UBN2: variants seen among roughly 807,000 people sequenced by gnomAD.
The protein encoded by UBN2 is ubinuclein-2.
In UBN2, 35 loss-of-function variants were observed where a neutral mutation model predicts 120.2. The observed-to-expected ratio is 0.29, with a 90% CI of 0.22 to 0.39. The LOEUF (loss-of-function observed/expected upper bound fraction) is 0.39, where lower values mean the gene tolerates loss of function less well. Among genes scored for constraint, UBN2 ranks in the 10% least tolerant of loss-of-function variants. UBN2 has a pLI of 1.00. For missense variants in UBN2, 1,693 were observed against 1,663.2 expected, an observed-to-expected ratio of 1.02 and a Z score of -0.31; for synonymous variants, 661 against 648.7, an observed-to-expected ratio of 1.02 and a Z score of -0.29.
intron 2 of UBN2, among the ~76,000 whole-genome samples, chr7:139,239,320 A>G (rs145818261): frequency 1.9e-4 from 29 of 152,176 alleles, no homozygotes; most frequent in African/African-American, 6.5e-4. Flanking sequence ...GCATGGAACT[A>G]TCACACTGTA....
chr7:139,241,727 C>T (rs753313184), intron 2 of UBN2, among the ~76,000 whole-genome samples: 1 of 152,112 alleles, frequency 6.6e-6, no homozygotes, highest in Non-Finnish European at 1.5e-5. Context: ...CTAGGTGAAG[C>T]GGCCCGTGCC....
intron 6 of UBN2, among the ~76,000 whole-genome samples, chr7:139,262,946 A>G (rs183598467): frequency 6.6e-6 from 1 of 152,258 alleles, no homozygotes; most frequent in East Asian, 1.9e-4. Flanking sequence ...CATAATAGCT[A>G]TCGTTTATTT....
the UBN2 span, among the ~76,000 whole-genome samples, chr7:139,315,588 C>A: frequency 1.3e-5 from 2 of 152,166 alleles, no homozygotes; most frequent in Non-Finnish European, 2.9e-5. Flanking sequence ...ATGAATAATG[C>A]TCCTATTAAC....
intron 2 of UBN2, among the ~76,000 whole-genome samples, chr7:139,238,565 A>G (rs1021586503): frequency 2.0e-5 from 3 of 152,146 alleles, no homozygotes; most frequent in Non-Finnish European, 2.9e-5. Context: ...CTGGGATTAC[A>G]GGCATGCACC....
chr7:139,250,317 C>T (rs996514751), intron 2 of UBN2, among the ~76,000 whole-genome samples: 3 of 152,022 alleles, frequency 2.0e-5, no homozygotes, highest in African/African-American at 4.8e-5. Context: ...ACTGCAACGT[C>T]CGCCTCCCCA....
At chr7:139,251,844 C>G (rs1422617615) in intron 2 of UBN2, 112 bp from the exon 3 acceptor site, 3 of 892,798 alleles carry the variant, frequency 3.4e-6, no homozygotes, top group Non-Finnish European at 5.4e-6. Context: ...CTTAAACCTC[C>G]TGGAGAGGGG....
At chr7:139,261,984 C>G (rs1203482901) in intron 6 of UBN2, among the ~76,000 whole-genome samples, 1 of 146,776 alleles carries the variant, frequency 6.8e-6, no homozygotes, top group Non-Finnish European at 1.5e-5. Flanking sequence ...GGGGTTTCAC[C>G]GTGTTAGCCA....
intron 15 of UBN2, among the ~76,000 whole-genome samples, chr7:139,285,891 C>T (rs549697661): frequency 3.3e-5 from 5 of 151,978 alleles, no homozygotes; most frequent in South Asian, 2.1e-4. Context: ...TACAGGCACC[C>T]GCCACCATGC....
At chr7:139,294,840 CAAAA>C (rs1012392638) in intron 17 of UBN2, among the ~76,000 whole-genome samples, 1 of 149,658 alleles carries the variant, frequency 6.7e-6, no homozygotes, top group Non-Finnish European at 1.5e-5. Context: ...GACTCCGTCT[CAAAA>C]AAAAAATTAA....
At chr7:139,252,126 A>G in intron 3 of UBN2, 69 bp downstream of exon 3, 2 of 1,322,876 alleles carry the variant, frequency 1.5e-6, no homozygotes, top group South Asian at 1.2e-5. Context: ...TCAAGGGTAA[A>G]GTAACTTAAA....
At chr7:139,297,400 G>A (rs1026685880) in intron 17 of UBN2, among the ~76,000 whole-genome samples, 1 of 151,560 alleles carries the variant, frequency 6.6e-6, no homozygotes, top group Non-Finnish European at 1.5e-5. Flanking sequence ...AAAAAAAAAT[G>A]AAATTGACCT....
rs376334526 is a variant in UBN2, at chr7:139,242,748, A to T, written c.561+5651A>T. ...AATTGAGAATCAGCAGTTTTAGGGTATTTAGGAGGAAGGACTGGTATCCAT... is the reference window on the plus strand; with the variant it reads ...AATTGAGAATCAGCAGTTTTAGGGTTTTTAGGAGGAAGGACTGGTATCCAT... On this transcript the variant is annotated intron_variant, in intron 2 of 17. Transcript: ENST00000473989. Among the ~76,000 whole-genome samples, 3 of 152,258 alleles carry T rather than the reference A, an allele frequency of 2.0e-5. No individual in the cohort carries two copies. The East Asian group carries it at 5.8e-4, about 29-fold the overall frequency.
At chr7:139,280,256 A>G (rs536748048) in intron 13 of UBN2, among the ~76,000 whole-genome samples, 5 of 152,346 alleles carry the variant, frequency 3.3e-5, no homozygotes, top group African/African-American at 1.2e-4. Context: ...GATCCCTAAG[A>G]CGGACAAGTA....
intron 6 of UBN2, among the ~76,000 whole-genome samples, 160 bp from the exon 7 acceptor site, chr7:139,266,173 G>A (rs1797091240): frequency 7.0e-6 from 1 of 143,286 alleles, no homozygotes; most frequent in African/African-American, 2.6e-5. Flanking sequence ...TGGGAGGATT[G>A]CTTGAGCCCA....
chr7:139,287,685 T>TC lies in UBN2; in HGVS notation c.3669+3112dup, dbSNP rs1797829956. 2.0e-5 allele frequency among the ~76,000 whole-genome samples: 3 copies of TC among 148,486 alleles called. No homozygotes were observed. The South Asian group carries it at 6.3e-4, about 31-fold the overall frequency. On this transcript the variant is annotated intron_variant, in intron 15 of 17. Transcript: ENST00000473989. The stretch of plus-strand genomic sequence containing the variant: ...ATATCTGATCTTTTTTTTTTTTTTT[T>TC]CTGTCTTACTGGTTTGACTGAAGAA...
intron 10 of UBN2, 99 bp from the exon 11 acceptor site, chr7:139,273,832 T>A: frequency 9.7e-7 from 1 of 1,029,696 alleles, no homozygotes. Flanking sequence ...TGTTAGAAAT[T>A]GTTTGTTATT....
intron 2 of UBN2, among the ~76,000 whole-genome samples, chr7:139,249,086 G>C (rs963507702): frequency 6.6e-6 from 1 of 152,016 alleles, no homozygotes; most frequent in East Asian, 1.9e-4. Flanking sequence ...TCTTGAGAAG[G>C]ATTGTCATTG....
the UBN2 span, among the ~76,000 whole-genome samples, chr7:139,320,032 T>C: frequency 3.8e-4 from 57 of 150,174 alleles, no homozygotes; most frequent in Middle Eastern, 7.0e-3. Context: ...GCCGAGATCG[T>C]GCCACTGCAC....
chr7:139,289,225 G>C (rs561961519), intron 15 of UBN2, among the ~76,000 whole-genome samples: 10 of 152,090 alleles, frequency 6.6e-5, no homozygotes, highest in African/African-American at 9.7e-5. Flanking sequence ...TTTTAGGATA[G>C]AGAGATTTGC....
Sources: gnomAD v4.1 joint callset for allele counts (sites outside exome capture counted in the v4.1 genomes callset) on GRCh38, gnomAD v4.1.1 for gene constraint, MANE v1.5 for transcripts, NCBI Gene and HGNC (gene_info 2026-07-23, HGNC 2026-07-21) for gene names.